Variants in SPON2 observed in about 807,000 individuals in gnomAD.
SPON2 encodes the protein spondin 2, also known as spondin-2.
In SPON2, 32 loss-of-function variants were observed where a neutral mutation model predicts 29.9. The observed-to-expected ratio is 1.07, with a 90% CI of 0.81 to 1.44. SPON2 has a LOEUF of 1.44. Among genes scored for constraint, SPON2 ranks in the 40% most tolerant of loss-of-function variants. The probability of loss-of-function intolerance (pLI) is 0.00; values close to 1 mark genes in which losing one functional copy is unlikely to be tolerated. For missense variants in SPON2, 541 were observed against 455.5 expected (o/e 1.19, Z -1.71); for synonymous variants, 248 against 209.1 (o/e 1.19, Z -1.61).
At chr4:1,168,660 C>T (rs950627239) in intron 5 of SPON2, among the ~76,000 whole-genome samples, 1 of 152,222 alleles carries the variant, frequency 6.6e-6, no homozygotes, top group Non-Finnish European at 1.5e-5. Context: ...CCCAGCACCC[C>T]CCAGCTTCCT....
rs747390530 is a variant in SPON2, at chr4:1,171,863, G to A, written c.209C>T (p.Ser70Phe). ...GGGGCTGTACTTACCCAGCAGCGAAGACCACTGCGCAGGGGGGCGGAACAG... is the reference window on the plus strand; with the variant it reads ...GGGGCTGTACTTACCCAGCAGCGAAAACCACTGCGCAGGGGGGCGGAACAG... ...YPLFRPPAQWSSLLGAAHSSD... is the reference protein window; with the variant it reads ...YPLFRPPAQWFSLLGAAHSSD... The change falls in exon 2 of 6, where the codon TCT becomes TTT. Residue 70 changes from serine (S) to phenylalanine (F), a missense_variant. Transcript: ENST00000290902. 6.2e-7 allele frequency: 1 copy of A among 1,612,146 alleles called. No homozygotes were observed. The highest frequency in any genetic ancestry group is 8.5e-7 in the Non-Finnish European group (1 of 1,179,192).
At chr4:1,175,261 G>A (rs182221359), upstream of SPON2, among the ~76,000 whole-genome samples, 1 of 152,386 alleles carries the variant, frequency 6.6e-6, no homozygotes, top group East Asian at 1.9e-4. Flanking sequence ...TGTGTAGGAA[G>A]CCAGGGTGCC....
At chr4:1,176,875 T>TCATTCATTCATTCACAC (rs1164356853), upstream of SPON2, among the ~76,000 whole-genome samples, 7 of 152,096 alleles carry the variant, frequency 4.6e-5, no homozygotes, top group African/African-American at 1.7e-4. Flanking sequence ...TTCACACACT[T>TCATTCATTCATTCACAC]CATTCATTCA....
intron 1 of SPON2, among the ~76,000 whole-genome samples, chr4:1,201,764 T>C (rs1728213921): frequency 6.6e-6 from 1 of 152,006 alleles, no homozygotes; most frequent in Admixed American, 6.6e-5. Context: ...TTTGTATTTT[T>C]AGTAGAGACG....
chr4:1,175,578 T>C (rs1727577494), upstream of SPON2, among the ~76,000 whole-genome samples: 1 of 148,204 alleles, frequency 6.7e-6, no homozygotes, highest in Non-Finnish European at 1.5e-5. Flanking sequence ...GGGGGGAGTC[T>C]CCAGCTAAGA....
rs1727266008 is a variant in SPON2, at chr4:1,167,280, A to G, written c.*192T>C. The G allele has an allele frequency of 1.8e-6, 1 of 567,230 alleles. No homozygotes were observed. 35.1% of individuals were successfully genotyped at this position (567,230 alleles called of 1,614,324 possible). On this transcript the variant is annotated 3_prime_UTR_variant, in exon 6 of 6. Coordinates refer to ENST00000290902, the MANE Select transcript of SPON2 (RefSeq NM_012445.4). ...CCCTAAGAAGCAAGGTTGGGAAAGG[A>G]GGAGGCTGTTTCCCAATGCCCGTGC...
At position 1,202,069 on chromosome 4, in the gene SPON2, G is replaced by A. The variant is rs117033846; in HGVS notation, c.-234+5811C>T. Among the ~76,000 whole-genome samples, 13 of 152,302 alleles carry A rather than the reference G, an allele frequency of 8.5e-5. No individual in the cohort carries two copies. In the East Asian group the frequency reaches 2.1e-3, roughly 25 times the overall value. On this transcript the variant is annotated intron_variant, in intron 1 of 3. Coordinates refer to the SPON2 transcript ENST00000509233. The surrounding 1 kb of genome is among the most constrained non-coding windows in gnomAD (Gnocchi z 5.4). ...TCACTCCGGAACACGTTCATCATCC[G>A]CAGAAGACGTCCTGTGCCTGTTAGC...
At chr4:1,170,361 C>A in intron 5 of SPON2, 41 bp downstream of exon 5, 1 of 1,586,780 alleles carries the variant, frequency 6.3e-7, no homozygotes, top group South Asian at 1.1e-5. Flanking sequence ...TGGCAGGGTT[C>A]GGGGCTGCTG....
intron 1 of SPON2, among the ~76,000 whole-genome samples, chr4:1,184,452 G>C (rs141270563): frequency 8.5e-5 from 13 of 152,268 alleles, no homozygotes; most frequent in Non-Finnish European, 1.6e-4. Flanking sequence ...AAAACCGAAA[G>C]AGAGCAGCAG....
upstream of SPON2, among the ~76,000 whole-genome samples, chr4:1,178,205 G>A (rs937214579): frequency 1.4e-4 from 21 of 149,104 alleles, no homozygotes; most frequent in Admixed American, 1.1e-3. Flanking sequence ...GCCTCCCTCC[G>A]GCCAGGCACC....
chr4:1,189,716 C>T (rs1282157075), intron 1 of SPON2, among the ~76,000 whole-genome samples: 9 of 147,670 alleles, frequency 6.1e-5, no homozygotes, highest in Middle Eastern at 4.0e-3. Context: ...AGGCCAGGTG[C>T]GGTGGCTCAC....
chr4:1,167,150 G>A lies in SPON2; in HGVS notation c.*322C>T, dbSNP rs1444170698. On this transcript the variant is annotated 3_prime_UTR_variant, in exon 6 of 6. Transcript: ENST00000290902. Reference sequence around the variant, plus strand: ...CTGGACGATGAAGGACAATCTCCTGGAGCAGCAATAACTTATAAGGAGACA... The same window carrying A: ...CTGGACGATGAAGGACAATCTCCTGAAGCAGCAATAACTTATAAGGAGACA... 1.1e-5 allele frequency: 3 copies of A among 267,366 alleles called. No individual in the cohort carries two copies. Among genetic ancestry groups the A allele is most frequent in the East Asian group, 1.5e-4 (2 of 13,084 alleles). 16.6% of individuals were successfully genotyped at this position (267,366 alleles called of 1,614,324 possible).
At chr4:1,177,675 C>T (rs1727629964), upstream of SPON2, among the ~76,000 whole-genome samples, 1 of 152,194 alleles carries the variant, frequency 6.6e-6, no homozygotes, top group Non-Finnish European at 1.5e-5. Flanking sequence ...GCCTTCTTTA[C>T]CTTTCTGCAT....
intron 1 of SPON2, among the ~76,000 whole-genome samples, chr4:1,187,562 C>T (rs1727828894): frequency 6.6e-6 from 1 of 152,092 alleles, no homozygotes; most frequent in African/African-American, 2.4e-5. Context: ...CTTGCTCTGT[C>T]ATTTCTTTTA....
In SPON2 at chr4:1,172,216, TGCGGTGCTTCC is replaced by T. The variant is rs530122690; in HGVS notation, c.-3-153_-3-143del. The T allele has an allele frequency of 4.3e-4, 306 of 718,504 alleles. 4 individuals carry two copies. The Middle Eastern group carries it at 6.0e-3, about 14-fold the overall frequency. The allele number at this position is 718,504 out of a possible 1,614,324, so 44.5% of individuals were successfully genotyped here. ...CCCTCCCTGCTCCGCAAAGCTCTCC[TGCGGTGCTTCC>T]GAGACCCCCATCAGCGGAATGGACG... is the stretch of plus-strand genomic sequence containing the variant. On this transcript the variant is annotated intron_variant, in intron 1 of 5. Transcript: ENST00000290902.
rs367555804 is a variant in SPON2, at chr4:1,166,964, C to T, written c.*508G>A. ...GCAACAGAGATAGTCTTTATTCAAA[C>T]GCAGAGAGATCCATAACATGGAAAC... On this transcript the variant is annotated 3_prime_UTR_variant, in exon 6 of 6. Transcript: ENST00000290902. 268 of 153,504 alleles carry T rather than the reference C, an allele frequency of 1.7e-3. 9 individuals carry two copies. In the South Asian group the frequency reaches 0.05, roughly 29 times the overall value. The allele number at this position is 153,504 out of a possible 1,614,324, so 9.5% of individuals were successfully genotyped here.
At chr4:1,178,156 C>A (rs1249537384), upstream of SPON2, among the ~76,000 whole-genome samples, 1 of 148,508 alleles carries the variant, frequency 6.7e-6, no homozygotes, top group Admixed American at 6.7e-5. Context: ...CCGAGGGCCT[C>A]CCTCCGGCCA....
chr4:1,205,162 C>G (rs939532524), intron 1 of SPON2: 2 of 152,528 alleles, frequency 1.3e-5, no homozygotes, highest in African/African-American at 2.4e-5. Flanking sequence ...CCTCGCCACG[C>G]CCTCCCCGTA....
At chr4:1,189,174 C>T (rs927938415) in intron 1 of SPON2, among the ~76,000 whole-genome samples, 1 of 151,846 alleles carries the variant, frequency 6.6e-6, no homozygotes, top group African/African-American at 2.4e-5. Flanking sequence ...ACAGATGAAG[C>T]TAAACAGTGC....
Sources: allele counts gnomAD v4.1 joint callset (sites outside exome capture counted in the v4.1 genomes callset), GRCh38; gene constraint gnomAD v4.1.1; non-coding constraint Gnocchi (gnomAD v3.1); transcripts MANE v1.5; gene names NCBI Gene and HGNC (gene_info 2026-07-23, HGNC 2026-07-21).